The following PHACTR2 variants were observed in gnomAD, a reference collection of about 807,000 sequenced individuals.
PHACTR2 encodes the protein phosphatase and actin regulator 2, also known as chromosome 6 open reading frame 56.
In PHACTR2, 30 loss-of-function variants were observed where a neutral mutation model predicts 76.0. That is an observed-to-expected ratio of 0.39 (90% confidence interval 0.30 to 0.54). PHACTR2 has a LOEUF of 0.54. Among genes scored for constraint, PHACTR2 ranks in the 20% least tolerant of loss-of-function variants. The pLI, the probability that PHACTR2 is intolerant of heterozygous loss-of-function variation, is 0.61. For synonymous variants in PHACTR2, 292 were observed against 292.5 expected, an observed-to-expected ratio of 1.00 and a Z score of 0.02; for missense variants, 696 against 781.1, an observed-to-expected ratio of 0.89 and a Z score of 1.30.
Position 143,774,298 on chromosome 6 carries a change from T to A in PHACTR2, c.1589+83T>A. ...GCTTCCTACCTAACTGGGGTCATTG[T>A]GAATTCCTTATGTACAGATACATCT... On this transcript the variant is annotated intron_variant, in intron 8 of 12. Transcript: ENST00000440869. This position sits in a 1 kb window ranked among gnomAD's most constrained non-coding sequence, Gnocchi z 5.4. The A allele has an allele frequency of 9.0e-7, 1 of 1,117,032 alleles. No homozygotes were observed. Among genetic ancestry groups the A allele is most frequent in the Non-Finnish European group, 1.3e-6 (1 of 753,896 alleles). The allele number at this position is 1,117,032 out of a possible 1,614,324, so 69.2% of individuals were successfully genotyped here. A position where few individuals can be genotyped will look rare whatever the true frequency, so the allele number is the denominator to read the frequency against.
chr6:143,732,737 A>C (rs1173088638), intron 2 of PHACTR2, among the ~76,000 whole-genome samples: 1 of 152,144 alleles, frequency 6.6e-6, no homozygotes, highest in Non-Finnish European at 1.5e-5. Flanking sequence ...CAGCCACACC[A>C]TTTTATATTC....
At position 143,820,843 on chromosome 6, in the gene PHACTR2, G is replaced by C. The variant is rs2128487091; in HGVS notation, c.1923-2831G>C. On this transcript the variant is annotated intron_variant, in intron 12 of 12. Transcript: ENST00000440869. The surrounding 1 kb of genome is among the most constrained non-coding windows in gnomAD (Gnocchi z 4.2). ...CTGTGGGGGCTGTGCCCTTCCAGTAGGCTTCTGCCTGGACACCCAGGCTTT... is the reference window on the plus strand; with the variant it reads ...CTGTGGGGGCTGTGCCCTTCCAGTACGCTTCTGCCTGGACACCCAGGCTTT... Among the ~76,000 whole-genome samples, 1 of 152,360 alleles carries C rather than the reference G, an allele frequency of 6.6e-6. No homozygotes were observed. The highest frequency in any genetic ancestry group is 1.9e-4 in the East Asian group (1 of 5,186).
chr6:143,695,235 G>A lies in PHACTR2; in HGVS notation c.47-16781G>A, dbSNP rs1272009504. Among the ~76,000 whole-genome samples, 2 of 152,156 alleles carry A rather than the reference G, an allele frequency of 1.3e-5. No homozygotes were observed. The highest frequency in any genetic ancestry group is 2.9e-5 in the Non-Finnish European group (2 of 68,034). ...TCCGAATCCAGATTATGATGGATTG[G>A]GCATGGGGATCAGGGCATGCAGAAG... On this transcript the variant is annotated intron_variant, in intron 1 of 12. Coordinates refer to ENST00000440869, the MANE Select transcript of PHACTR2 (RefSeq NM_001100164.2). The surrounding 1 kb of genome is among the most constrained non-coding windows in gnomAD (Gnocchi z 4.4).
intron 1 of PHACTR2, among the ~76,000 whole-genome samples, chr6:143,634,118 T>G (rs761568982): frequency 1.6e-4 from 25 of 152,322 alleles, no homozygotes; most frequent in Non-Finnish European, 2.9e-4. Context: ...AATGTTAAGC[T>G]CTGAGTCCCA....
chr6:143,800,115 A>G lies in PHACTR2; in HGVS notation c.1846-6942A>G, dbSNP rs1775918466. ...ATAGTTAACTCTTTTTGTTGAATTG[A>G]TCCCTTCACCATTACGTAATGGCCT... is the stretch of plus-strand genomic sequence containing the variant. On this transcript the variant is annotated intron_variant, in intron 11 of 12. Coordinates refer to ENST00000440869, the MANE Select transcript of PHACTR2 (RefSeq NM_001100164.2). This position sits in a 1 kb window ranked among gnomAD's most constrained non-coding sequence, Gnocchi z 4.8. Among the ~76,000 whole-genome samples, 1 of 152,054 alleles carries G rather than the reference A, an allele frequency of 6.6e-6. No individual in the cohort carries two copies. The highest frequency in any genetic ancestry group is 6.6e-5 in the Admixed American group (1 of 15,258).
intron 1 of PHACTR2, among the ~76,000 whole-genome samples, chr6:143,668,468 C>A (rs1403230931): frequency 1.3e-5 from 2 of 152,120 alleles, no homozygotes; most frequent in Non-Finnish European, 2.9e-5. Flanking sequence ...CCTCTCTGTA[C>A]CTCTGGTAGA....
chr6:143,804,334 C>CT (rs1045752967), intron 11 of PHACTR2, among the ~76,000 whole-genome samples: 1 of 151,994 alleles, frequency 6.6e-6, no homozygotes, highest in African/African-American at 2.4e-5. Context: ...AGAGTAGTCA[C>CT]TTTTTTTTAC....
At position 143,784,265 on chromosome 6, in the gene PHACTR2, AC is replaced by A. The variant is rs1238822037; in HGVS notation, c.1707+987del. ...TGCTACCCAGATTGACAAATGTCTT[AC>A]CTCCCAAACTCAGACAATTGTTGCC... On this transcript the variant is annotated intron_variant, in intron 10 of 12. Coordinates refer to ENST00000440869, the MANE Select transcript of PHACTR2 (RefSeq NM_001100164.2). The surrounding 1 kb of genome is among the most constrained non-coding windows in gnomAD (Gnocchi z 4.5). 6.6e-6 allele frequency among the ~76,000 whole-genome samples: 1 copy of A among 152,132 alleles called. No homozygotes were observed. Among genetic ancestry groups the A allele is most frequent in the African/African-American group, 2.4e-5 (1 of 41,414 alleles).
Position 143,807,167 on chromosome 6 carries a change from T to A in PHACTR2, c.1922+34T>A, listed in dbSNP as rs1776083806. ...CAAAATGCAGCTTAGAAATTGAAAA[T>A]GCTTAAGATGTGATCCCATGTTGAG... On this transcript the variant is annotated intron_variant, in intron 12 of 12. Coordinates refer to ENST00000440869, the MANE Select transcript of PHACTR2 (RefSeq NM_001100164.2). This position sits in a 1 kb window ranked among gnomAD's most constrained non-coding sequence, Gnocchi z 5.5. 7.9e-7 allele frequency: 1 copy of A among 1,260,548 alleles called. No individual in the cohort carries two copies. 78.1% of individuals were successfully genotyped at this position (1,260,548 alleles called of 1,614,324 possible).
At position 143,708,894 on chromosome 6, in the gene PHACTR2, A is replaced by G. The variant is rs1418559255; in HGVS notation, c.47-3122A>G. ...ATGTGGATTGGGAGAGAAAGATCCC[A>G]TGTATTGTAAGAAAATGAAAACTGG... is the stretch of plus-strand genomic sequence containing the variant. On this transcript the variant is annotated intron_variant, in intron 1 of 12. Transcript: ENST00000440869. The surrounding 1 kb of genome is among the most constrained non-coding windows in gnomAD (Gnocchi z 5.5). Among the ~76,000 whole-genome samples, 2 of 152,238 alleles carry G rather than the reference A, an allele frequency of 1.3e-5. No homozygotes were observed. Among genetic ancestry groups the G allele is most frequent in the Admixed American group, 6.5e-5 (1 of 15,290 alleles).
chr6:143,575,459 G>T (rs974975908), intron 1 of PHACTR2, among the ~76,000 whole-genome samples: 1 of 152,080 alleles, frequency 6.6e-6, no homozygotes, highest in African/African-American at 2.4e-5. Context: ...CTATCAAAAC[G>T]CCAGTTTAGA....
chr6:143,830,716 T>G lies in PHACTR2; in HGVS notation c.*7027T>G, dbSNP rs1776650121. Reference sequence around the variant, plus strand: ...TGTATAATATTAGAGGATACTTTGCTGTGCACAATTCCAAGTGCCTTAGAA... The same window carrying G: ...TGTATAATATTAGAGGATACTTTGCGGTGCACAATTCCAAGTGCCTTAGAA... On this transcript the variant is annotated 3_prime_UTR_variant, in exon 13 of 13. Transcript: ENST00000440869. The G allele has an allele frequency of 6.6e-6, 1 of 152,260 alleles. No homozygotes were observed. The highest frequency in any genetic ancestry group is 2.4e-5 in the African/African-American group (1 of 41,474). 9.4% of individuals were successfully genotyped at this position (152,260 alleles called of 1,614,324 possible).
chr6:143,623,871 CATATT>C lies in PHACTR2; in HGVS notation c.13+15555_13+15559del, dbSNP rs543731580. On this transcript the variant is annotated intron_variant, in intron 1 of 11. Coordinates refer to the PHACTR2 transcript ENST00000305766. This position sits in a 1 kb window ranked among gnomAD's most constrained non-coding sequence, Gnocchi z 5.9. ...TTAATCAGTTAACTGGATAGCAGCA[CATATT>C]ATATTGTCTTACCATGTATGATGCA... is the stretch of plus-strand genomic sequence containing the variant. Among the ~76,000 whole-genome samples, 9 of 152,232 alleles carry C rather than the reference CATATT, an allele frequency of 5.9e-5. No homozygotes were observed. Among genetic ancestry groups the C allele is most frequent in the Non-Finnish European group, 1.2e-4 (8 of 68,010 alleles).
chr6:143,596,018 T>G lies in PHACTR2; in HGVS notation c.217+58811T>G, dbSNP rs1775746563. Among the ~76,000 whole-genome samples, 1 of 152,210 alleles carries G rather than the reference T, an allele frequency of 6.6e-6. No individual in the cohort carries two copies. The highest frequency in any genetic ancestry group is 2.4e-5 in the African/African-American group (1 of 41,460). On this transcript the variant is annotated intron_variant, in intron 1 of 11. Coordinates refer to the PHACTR2 transcript ENST00000367584. This position sits in a 1 kb window ranked among gnomAD's most constrained non-coding sequence, Gnocchi z 4.6. ...TACTGGAGACTCTTAAAATAGTACT[T>G]TAAAGAATAAAAGAACACTTGAGAA...
At chr6:143,693,720 CCATATT>C (rs1465996326) in intron 1 of PHACTR2, among the ~76,000 whole-genome samples, 1 of 152,146 alleles carries the variant, frequency 6.6e-6, no homozygotes, top group Non-Finnish European at 1.5e-5. Context: ...CTCAACAGTG[CCATATT>C]CATATTACTT....
rs184646115 is a variant in PHACTR2 at position 143,772,705 on chromosome 6, G to A, written c.1432+248G>A. 6.6e-6 allele frequency among the ~76,000 whole-genome samples: 1 copy of A among 152,342 alleles called. No homozygotes were observed. The highest frequency in any genetic ancestry group is 1.9e-4 in the East Asian group (1 of 5,184). On this transcript the variant is annotated intron_variant, in intron 7 of 12. Transcript: ENST00000440869. The surrounding 1 kb of genome is among the most constrained non-coding windows in gnomAD (Gnocchi z 5.4). Reference sequence around the variant, plus strand: ...GCTAGATGAGCTAGATGTGCTAGATGTGCATATTAGTATTTGTGCTGAGAA... The same window carrying A: ...GCTAGATGAGCTAGATGTGCTAGATATGCATATTAGTATTTGTGCTGAGAA...
rs1379150059 is a variant in PHACTR2, at chr6:143,654,803, C to T, written c.13+46481C>T. 1.3e-5 allele frequency among the ~76,000 whole-genome samples: 2 copies of T among 152,034 alleles called. No individual in the cohort carries two copies. Among genetic ancestry groups the T allele is most frequent in the Non-Finnish European group, 2.9e-5 (2 of 68,014 alleles). ...TAGGTTGCAGAGCAAGACCTTGTCT[C>T]TACAAATAAACAAAAACTAAATGAA... On this transcript the variant is annotated intron_variant, in intron 1 of 11. Coordinates refer to the PHACTR2 transcript ENST00000305766. The surrounding 1 kb of genome is among the most constrained non-coding windows in gnomAD (Gnocchi z 4.6).
In PHACTR2 at chr6:143,608,467, T is replaced by C. The variant is rs1562246704; in HGVS notation, c.13+145T>C. On this transcript the variant is annotated intron_variant, in intron 1 of 11. Transcript: ENST00000305766. This position sits in a 1 kb window ranked among gnomAD's most constrained non-coding sequence, Gnocchi z 4.6. ...GACGCGTGTAATATGTGAACCCCGA[T>C]GCATTGTCCACAAGACAATTAGTGT... The C allele has an allele frequency of 1.3e-6, 1 of 777,350 alleles. No individual in the cohort carries two copies. The highest frequency in any genetic ancestry group is 1.7e-5 in the African/African-American group (1 of 58,662). 48.2% of individuals were successfully genotyped at this position (777,350 alleles called of 1,614,324 possible).
At position 143,765,269 on chromosome 6, in the gene PHACTR2, T is replaced by C. The variant is rs773885553; in HGVS notation, c.703T>C (p.Ser235Pro). 7 of 1,611,818 alleles carry C rather than the reference T, an allele frequency of 4.3e-6. No individual in the cohort carries two copies. The African/African-American group carries it at 8.0e-5, about 19-fold the overall frequency. Residue 235 changes from serine (S) to proline (P), a missense_variant, in exon 6 of 13, where the codon TCT becomes CCT. This residue lies in a region of PHACTR2 where 460 missense variants were observed against 450.9 expected (regional missense o/e 1.02). Coordinates refer to ENST00000440869, the MANE Select transcript of PHACTR2 (RefSeq NM_001100164.2). The surrounding 1 kb of genome is among the most constrained non-coding windows in gnomAD (Gnocchi z 4.1). ...AGGTCTCTCTATTGTAGCTGGCTCC[T>C]CTCATTCAAAAAAAACAACTGGCTC... ...RNTTREAAGS[S>P]HSKKTTGSKA...
Sources: allele counts gnomAD v4.1 joint callset (sites outside exome capture counted in the v4.1 genomes callset), GRCh38; gene constraint gnomAD v4.1.1; regional missense constraint gnomAD v4.1.1; non-coding constraint Gnocchi (gnomAD v3.1); transcripts MANE v1.5; gene names NCBI Gene and HGNC (gene_info 2026-07-23, HGNC 2026-07-21).